Variants in SPIN1 observed in about 807,000 individuals in gnomAD.
SPIN1 encodes the protein spindlin 1.
SPIN1 carries 3 observed loss-of-function variants against 26.0 expected under a neutral mutation model. That is an observed-to-expected ratio of 0.12 (90% CI 0.05 to 0.30). The LOEUF (loss-of-function observed/expected upper bound fraction) is 0.30, where lower values mean the gene tolerates loss of function less well. SPIN1 is among the 10% of genes least tolerant of loss of function. SPIN1 has a pLI of 1.00. For synonymous variants in SPIN1, 101 were observed against 116.5 expected (o/e 0.87, Z 0.86); for missense variants, 126 against 333.4 (o/e 0.38, Z 4.84).
intron 1 of SPIN1, among the ~76,000 whole-genome samples, chr9:88,401,631 C>CT (rs960659755): frequency 1.3e-5 from 2 of 152,078 alleles, no homozygotes; most frequent in African/African-American, 2.4e-5. Flanking sequence ...AAGGAAAAAA[C>CT]TTTATGTGTT....
chr9:88,469,275 C>T (rs12343869), intron 5 of SPIN1, among the ~76,000 whole-genome samples: 2,147 of 152,320 alleles, frequency 0.014, 50 homozygotes, highest in African/African-American at 0.049. Flanking sequence ...GACGGCAGTG[C>T]TCTCTTTGCC....
At chr9:88,395,516 TTTTA>T (rs1306319368) in intron 1 of SPIN1, among the ~76,000 whole-genome samples, 1 of 152,156 alleles carries the variant, frequency 6.6e-6, no homozygotes, top group African/African-American at 2.4e-5. Context: ...GTATATTGTT[TTTTA>T]TTTGTGCAGA....
At chr9:88,432,593 C>T (rs1363349461) in intron 2 of SPIN1, among the ~76,000 whole-genome samples, 1 of 151,852 alleles carries the variant, frequency 6.6e-6, no homozygotes, top group Non-Finnish European at 1.5e-5. Flanking sequence ...AAGCTGTTCT[C>T]CTGCCTCAGC....
At chr9:88,431,802 C>T (rs10868780) in intron 2 of SPIN1, among the ~76,000 whole-genome samples, 29,241 of 151,998 alleles carry the variant, frequency 0.19, 3,709 homozygotes, top group African/African-American at 0.37. Context: ...ATAATCCCAG[C>T]GCTTTGGGAA....
chr9:88,431,211 TGATG>T (rs1346409525), intron 2 of SPIN1, among the ~76,000 whole-genome samples: 1 of 151,042 alleles, frequency 6.6e-6, no homozygotes, highest in Admixed American at 6.6e-5. Flanking sequence ...TTAATCATAT[TGATG>T]GTACAAGGAA....
At chr9:88,427,596 T>G (rs1196354228) in intron 2 of SPIN1, among the ~76,000 whole-genome samples, 2 of 152,036 alleles carry the variant, frequency 1.3e-5, no homozygotes, top group Admixed American at 6.6e-5. Context: ...TTTTTTTTCT[T>G]TTTCTCTCTT....
At chr9:88,421,618 G>T in intron 1 of SPIN1, among the ~76,000 whole-genome samples, 2 of 75,810 alleles carry the variant, frequency 2.6e-5, no homozygotes. Context: ...CCCTCCCCCC[G>T]CCCCAACAAA....
chr9:88,406,899 CATT>C (rs1446530396), intron 1 of SPIN1, among the ~76,000 whole-genome samples: 1 of 152,008 alleles, frequency 6.6e-6, no homozygotes, highest in Non-Finnish European at 1.5e-5. Flanking sequence ...TTCACATTGT[CATT>C]ATTGCATTGT....
chr9:88,431,328 C>A (rs1587794015), intron 2 of SPIN1, among the ~76,000 whole-genome samples: 1 of 149,370 alleles, frequency 6.7e-6, no homozygotes, highest in East Asian at 2.0e-4. Context: ...AGAGCTCTGT[C>A]GGCCTGGGCT....
intron 3 of SPIN1, among the ~76,000 whole-genome samples, chr9:88,449,501 A>G (rs1187841622): frequency 2.0e-5 from 3 of 152,222 alleles, no homozygotes; most frequent in Non-Finnish European, 4.4e-5. Context: ...AAGATAATGC[A>G]ATAGCCATCT....
At chr9:88,461,225 G>A (rs1329139806) in intron 3 of SPIN1, among the ~76,000 whole-genome samples, 1 of 152,128 alleles carries the variant, frequency 6.6e-6, no homozygotes, top group Non-Finnish European at 1.5e-5. Context: ...TACTCAGAAG[G>A]GCTTTGTCTT....
intron 2 of SPIN1, among the ~76,000 whole-genome samples, chr9:88,428,830 A>G (rs913704892): frequency 1.3e-5 from 2 of 152,158 alleles, no homozygotes; most frequent in Non-Finnish European, 2.9e-5. Flanking sequence ...AATGTTGTGT[A>G]AGAAGATACA....
At chr9:88,455,240 A>AGAT (rs1427005846) in intron 3 of SPIN1, among the ~76,000 whole-genome samples, 5 of 152,190 alleles carry the variant, frequency 3.3e-5, no homozygotes, top group Non-Finnish European at 7.3e-5. Context: ...CAAGGCTGGC[A>AGAT]GATGACCTGA....
chr9:88,390,716 G>A (rs1438525254), intron 1 of SPIN1, among the ~76,000 whole-genome samples: 1 of 152,158 alleles, frequency 6.6e-6, no homozygotes, highest in Non-Finnish European at 1.5e-5. Flanking sequence ...AGATGTTATG[G>A]TATTGTGAAA....
intron 2 of SPIN1, among the ~76,000 whole-genome samples, chr9:88,427,956 A>G (rs1827794966): frequency 6.6e-6 from 1 of 152,164 alleles, no homozygotes; most frequent in African/African-American, 2.4e-5. Flanking sequence ...GATGTGAGTC[A>G]AATGTTTAGG....
intron 2 of SPIN1, among the ~76,000 whole-genome samples, chr9:88,443,169 C>G (rs1828176130): frequency 6.7e-6 from 1 of 149,886 alleles, no homozygotes; most frequent in African/African-American, 2.5e-5. Context: ...TACATTGATT[C>G]TATTCCTTTC....
At chr9:88,460,292 G>T (rs181035382) in intron 3 of SPIN1, among the ~76,000 whole-genome samples, 2 of 151,892 alleles carry the variant, frequency 1.3e-5, no homozygotes, top group African/African-American at 4.8e-5. Flanking sequence ...TGCTCCCGTG[G>T]TGTCTGTTTC....
chr9:88,446,408 GTTTTTTTT>G (rs372052401), intron 2 of SPIN1, among the ~76,000 whole-genome samples: 1 of 129,884 alleles, frequency 7.7e-6, no homozygotes, highest in Non-Finnish European at 1.6e-5. Context: ...TTGGTTTGCT[GTTTTTTTT>G]TTTTTTTTTG....
intron 2 of SPIN1, among the ~76,000 whole-genome samples, chr9:88,430,581 C>G (rs1827849180): frequency 6.6e-6 from 1 of 152,130 alleles, no homozygotes; most frequent in South Asian, 2.1e-4. Flanking sequence ...GCCATGACCC[C>G]CAGTACCTGT....
Sources: gnomAD v4.1 joint callset for allele counts (sites outside exome capture counted in the v4.1 genomes callset) on GRCh38, gnomAD v4.1.1 for gene constraint, MANE v1.5 for transcripts, NCBI Gene and HGNC (gene_info 2026-07-23, HGNC 2026-07-21) for gene names.